XDH: variants seen among roughly 807,000 people sequenced by gnomAD.
The protein encoded by XDH is xanthine dehydrogenase.
XDH carries 138 observed loss-of-function variants against 156.1 expected under a neutral mutation model. That is an observed-to-expected ratio of 0.88 (90% CI 0.77 to 1.02). XDH has a LOEUF of 1.02. Ranked by LOEUF, XDH falls within the 50% of genes least tolerant of loss-of-function variation. The pLI, the probability that XDH is intolerant of heterozygous loss-of-function variation, is 0.00. For missense variants in XDH, 1,849 were observed against 1,684.9 expected (o/e 1.10, Z -1.71); for synonymous variants, 669 against 625.7 (o/e 1.07, Z -1.03).
At chr2:31,413,289 G>A (rs1687391037) in intron 1 of XDH, among the ~76,000 whole-genome samples, 1 of 152,198 alleles carries the variant, frequency 6.6e-6, no homozygotes. Flanking sequence ...TTTCTACAAT[G>A]TAATTGCTGA....
At chr2:31,393,622 C>T (rs1416602525) in intron 6 of XDH, among the ~76,000 whole-genome samples, 3 of 152,014 alleles carry the variant, frequency 2.0e-5, no homozygotes, top group Non-Finnish European at 4.4e-5. Context: ...TTAAGGTAAT[C>T]ATTGATATAG....
chr2:31,361,863 G>T (rs1047464518), intron 24 of XDH, among the ~76,000 whole-genome samples: 1 of 152,106 alleles, frequency 6.6e-6, no homozygotes, highest in African/African-American at 2.4e-5. Flanking sequence ...GACCACAGAA[G>T]CAGTTCTATC....
chr2:31,367,484 G>A (rs1487745122), intron 20 of XDH, among the ~76,000 whole-genome samples: 1 of 152,156 alleles, frequency 6.6e-6, no homozygotes, highest in Non-Finnish European at 1.5e-5. Flanking sequence ...TTCCAAAAGA[G>A]GTAGTCAGCT....
In XDH at chr2:31,401,297, T is replaced by C; in HGVS notation, c.229A>G (p.Ile77Val). The C allele has an allele frequency of 1.2e-6, 2 of 1,614,168 alleles. No homozygotes were observed. Among genetic ancestry groups the C allele is most frequent in the Non-Finnish European group, 1.7e-6 (2 of 1,180,030 alleles). ...ACTGCAACATGGTGCAAGGAGCAGA[T>C]GGGGGCCAGGCAGGCATTGGCAGAA... ...HFSANACLAP[I>V]CSLHHVAVTT... is the part of the protein sequence containing the mutation. The change falls in exon 4 of 36, where the codon ATC becomes GTC. Residue 77 changes from isoleucine to valine, a missense_variant. Coordinates refer to ENST00000379416, the MANE Select transcript of XDH (RefSeq NM_000379.4).
chr2:31,375,910 G>C (rs1196251382), intron 14 of XDH, among the ~76,000 whole-genome samples: 1 of 152,122 alleles, frequency 6.6e-6, no homozygotes, highest in East Asian at 1.9e-4. Flanking sequence ...AGAAAACTGA[G>C]GCACACGGAG....
At chr2:31,363,211 C>T (rs1685823301) in intron 24 of XDH, among the ~76,000 whole-genome samples, 1 of 152,160 alleles carries the variant, frequency 6.6e-6, no homozygotes, top group Non-Finnish European at 1.5e-5. Context: ...ACTCGGGAGG[C>T]TGAGACAGGA....
At chr2:31,372,480 T>C (rs963472634) in intron 16 of XDH, 83 bp from the exon 17 acceptor site, 2 of 1,588,420 alleles carry the variant, frequency 1.3e-6, no homozygotes, top group Non-Finnish European at 8.6e-7. Flanking sequence ...GTGAGCTTCA[T>C]GCTACATGGC....
intron 34 of XDH, among the ~76,000 whole-genome samples, 178 bp from the exon 35 acceptor site, chr2:31,337,995 G>T (rs1448125635): frequency 1.3e-5 from 2 of 152,118 alleles, no homozygotes; most frequent in Non-Finnish European, 2.9e-5. Flanking sequence ...AATGATCAGG[G>T]GCTAAGAACA....
At chr2:31,389,535 A>G (rs1686705715) in intron 6 of XDH, 1 of 152,196 alleles carries the variant, frequency 6.6e-6, no homozygotes, top group African/African-American at 2.4e-5. Context: ...CTTCTTGGAG[A>G]AGGAGTGATG....
chr2:31,365,137 G>A (rs952029991), intron 23 of XDH, among the ~76,000 whole-genome samples: 3 of 152,192 alleles, frequency 2.0e-5, no homozygotes, highest in Admixed American at 6.5e-5. Flanking sequence ...CTGTGATCAT[G>A]TTAATGTTGG....
intron 6 of XDH, among the ~76,000 whole-genome samples, chr2:31,392,524 A>C (rs1388964955): frequency 6.6e-6 from 1 of 152,108 alleles, no homozygotes; most frequent in African/African-American, 2.4e-5. Context: ...TCCTGGGTTC[A>C]AGTGATTCTC....
intron 14 of XDH, 55 bp downstream of exon 14, chr2:31,376,998 A>T: frequency 6.2e-7 from 1 of 1,601,758 alleles, no homozygotes; most frequent in East Asian, 2.2e-5. Flanking sequence ...AGTAACAATG[A>T]TACTATTAGT....
At chr2:31,349,559 T>C (rs1285613835) in intron 26 of XDH, 127 bp downstream of exon 26, 2 of 1,372,788 alleles carry the variant, frequency 1.5e-6, no homozygotes, top group Non-Finnish European at 2.1e-6. Flanking sequence ...TGGCTGTGAA[T>C]GAGTTGGCAA....
chr2:31,406,020 C>T, intron 1 of XDH, 56 bp from the exon 2 acceptor site: 1 of 1,577,826 alleles, frequency 6.3e-7, no homozygotes, highest in Non-Finnish European at 8.7e-7. Context: ...CATCTTTCTG[C>T]AATTAATTTC....
Position 31,397,658 on chromosome 2 carries a change from C to T in XDH, c.495+10G>A. ...AGCAGAGACACTGATGTTCTGGGGT[C>T]CCCACTTACCCTGGCAAAGGTCCGG... On this transcript the variant is annotated intron_variant, in intron 6 of 35. Coordinates refer to ENST00000379416, the MANE Select transcript of XDH (RefSeq NM_000379.4). 6.2e-7 allele frequency: 1 copy of T among 1,614,158 alleles called. No individual in the cohort carries two copies. Among genetic ancestry groups the T allele is most frequent in the Admixed American group, 1.7e-5 (1 of 60,018 alleles).
chr2:31,379,761 T>G (rs1686379812), intron 13 of XDH, 106 bp downstream of exon 13: 2 of 1,084,476 alleles, frequency 1.8e-6, no homozygotes, highest in Admixed American at 3.4e-5. Flanking sequence ...ATGTAAAGGT[T>G]GAGAGATGCT....
intron 16 of XDH, among the ~76,000 whole-genome samples, 196 bp from the exon 17 acceptor site, chr2:31,372,593 T>C (rs1686107486): frequency 6.6e-6 from 1 of 152,182 alleles, no homozygotes; most frequent in African/African-American, 2.4e-5. Context: ...TGTTGTTATA[T>C]AAAAGAACAA....
chr2:31,390,742 G>A (rs1376758446), intron 6 of XDH, among the ~76,000 whole-genome samples: 1 of 152,110 alleles, frequency 6.6e-6, no homozygotes, highest in Non-Finnish European at 1.5e-5. Context: ...CTTTCAATTT[G>A]CAATTCCCTA....
Position 31,342,300 on chromosome 2 carries a change from GGGAGA to G in XDH, c.3405-8_3405-4del, listed in dbSNP as rs1318586663. 6.2e-7 allele frequency: 1 copy of G among 1,612,846 alleles called. No individual in the cohort carries two copies. Among genetic ancestry groups the G allele is most frequent in the Non-Finnish European group, 8.5e-7 (1 of 1,179,116 alleles). ...AGCTGTAGCCCAGATTGGGTGTTCT[GGGAGA>G]GGAAAGAGAAGGTACTGCACATGTA... On this transcript the variant is annotated splice_region_variant and splice_polypyrimidine_tract_variant and intron_variant, in intron 31 of 35. Transcript: ENST00000379416.
Sources: gnomAD v4.1 joint callset for allele counts (sites outside exome capture counted in the v4.1 genomes callset) on GRCh38, gnomAD v4.1.1 for gene constraint, MANE v1.5 for transcripts, NCBI Gene and HGNC (gene_info 2026-07-23, HGNC 2026-07-21) for gene names.